Variants in C20orf204 observed in about 807,000 individuals in gnomAD.
The protein encoded by C20orf204 is chromosome 20 open reading frame 204, also known as uncharacterized protein C20orf204.
C20orf204 carries 6 observed loss-of-function variants against 3.6 expected under a neutral mutation model. The ratio of observed to expected loss-of-function variants is 1.68; its 90% CI spans 0.92 to 3.31. C20orf204 has a LOEUF of 3.31. Ranked by LOEUF, C20orf204 falls within the 30% of genes most tolerant of loss-of-function variation. The probability of loss-of-function intolerance (pLI) is 0.00; values close to 1 mark genes in which losing one functional copy is unlikely to be tolerated. For missense variants in C20orf204, 167 were observed against 89.7 expected (o/e 1.86, Z -3.48); for synonymous variants, 80 against 41.4 (o/e 1.93, Z -3.58).
intron 3 of C20orf204, 61 bp from the exon 4 acceptor site, chr20:64,038,560 CT>C: frequency 1.9e-6 from 1 of 523,138 alleles, no homozygotes; most frequent in Non-Finnish European, 3.3e-6. Flanking sequence ...TCGCGTCTCC[CT>C]TCCCGGGCCG....
Position 64,038,039 on chromosome 20 carries a change from C to A in C20orf204, c.116C>A (p.Ala39Asp). ...SVPDVLRHYR[A>D]IIFEDLQAAV... is the part of the protein sequence containing the mutation. Reference sequence around the variant, plus strand: ...CCCGACGTGCTCCGCCACTATCGCGCCATCATCTTCGAGGATCTGCAGGCC... The same window carrying A: ...CCCGACGTGCTCCGCCACTATCGCGACATCATCTTCGAGGATCTGCAGGCC... Residue 39 changes from alanine to aspartate, a missense_variant, in exon 2 of 4, where the codon GCC becomes GAC. Physicochemically the swap from Ala to Asp is moderately radical, Grantham distance 126. Transcript: ENST00000636176. 1.9e-6 allele frequency: 1 copy of A among 519,680 alleles called. No homozygotes were observed. Among genetic ancestry groups the A allele is most frequent in the South Asian group, 2.6e-5 (1 of 37,968 alleles). 32.2% of individuals were successfully genotyped at this position (519,680 alleles called of 1,614,324 possible).
intron 1 of C20orf204, 111 bp from the exon 2 acceptor site, chr20:64,037,816 T>TGGGGTGGGGCAG (rs2059343210): frequency 1.5e-5 from 6 of 404,046 alleles, no homozygotes; most frequent in African/African-American, 1.2e-4. Flanking sequence ...AGAGATCCCG[T>TGGGGTGGGGCAG]GGGGTGGGGC....
At chr20:64,035,262 G>C (rs895365498), upstream of C20orf204, 1 of 152,240 alleles carries the variant, frequency 6.6e-6, no homozygotes, top group Admixed American at 6.5e-5. Context: ...GTGTGCCCGG[G>C]TGCCAGAGCC....
chr20:64,035,015 TC>T (rs1164069462), upstream of C20orf204: 1 of 152,262 alleles, frequency 6.6e-6, no homozygotes, highest in Non-Finnish European at 1.5e-5. Flanking sequence ...AGGGGATACT[TC>T]CTGCAGGGCC....
At chr20:64,035,213 C>T (rs1468422173), upstream of C20orf204, 2 of 152,276 alleles carry the variant, frequency 1.3e-5, no homozygotes, top group Non-Finnish European at 2.9e-5. Flanking sequence ...AGTGCATTTA[C>T]ACAAGGCTGG....
Position 64,036,226 on chromosome 20 carries a change from T to C in C20orf204, c.-98T>C, listed in dbSNP as rs908112971. 4 of 152,626 alleles carry C rather than the reference T, an allele frequency of 2.6e-5. No homozygotes were observed. Among genetic ancestry groups the C allele is most frequent in the African/African-American group, 4.8e-5 (2 of 41,448 alleles). 9.5% of individuals were successfully genotyped at this position (152,626 alleles called of 1,614,324 possible). A position where few individuals can be genotyped will look rare whatever the true frequency, so the allele number is the denominator to read the frequency against. On this transcript the variant is annotated 5_prime_UTR_variant, in exon 1 of 4. Transcript: ENST00000636176. ...GTCCAGGGAAGCGGTTGGCTGGTGT[T>C]GGACCTGGTGCGGCAGTGCACACCC...
chr20:64,038,603 A>C lies in C20orf204; in HGVS notation c.433-19A>C. On this transcript the variant is annotated intron_variant, in intron 3 of 3. Transcript: ENST00000636176. ...GCGCGGGGGCCGTGCGCATTCGCTG[A>C]CCGCCCTGTCCCCGACAGCGGAGCC... The C allele has an allele frequency of 1.9e-6, 1 of 528,396 alleles. No homozygotes were observed. 32.7% of individuals were successfully genotyped at this position (528,396 alleles called of 1,614,324 possible).
chr20:64,038,204 T>A lies in C20orf204; in HGVS notation c.279+2T>A. 1 of 692,170 alleles carries A rather than the reference T, an allele frequency of 1.4e-6. No homozygotes were observed. The highest frequency in any genetic ancestry group is 2.7e-6 in the Non-Finnish European group (1 of 375,656). 42.9% of individuals were successfully genotyped at this position (692,170 alleles called of 1,614,324 possible). ...CGGGCCTCCTGTGGCGCCCAGAAGG[T>A]ATGGAGGAGGCGCCCCTACCCAAGC... is the stretch of plus-strand genomic sequence containing the variant. On this transcript the variant is annotated splice_donor_variant, in intron 2 of 3. Coordinates refer to ENST00000636176, the MANE Select transcript of C20orf204 (RefSeq NM_001387010.1). LOFTEE classifies it high-confidence loss of function.
chr20:64,037,211 G>C (rs549438117), intron 1 of C20orf204: 2 of 152,572 alleles, frequency 1.3e-5, no homozygotes, highest in Admixed American at 6.5e-5. Flanking sequence ...GGCCTTTTGC[G>C]ACTGTTGGTT....
upstream of C20orf204, chr20:64,035,638 A>G (rs1004945163): frequency 6.6e-6 from 1 of 152,294 alleles, no homozygotes; most frequent in African/African-American, 2.4e-5. Flanking sequence ...TACGGCAGGC[A>G]GCAGAGTAAC....
chr20:64,038,233 C>T (rs759992992), intron 2 of C20orf204, 31 bp downstream of exon 2: 20 of 732,074 alleles, frequency 2.7e-5, no homozygotes, highest in Admixed American at 5.5e-5. Context: ...CCCAAGCTCG[C>T]CGGCCTGCTC....
chr20:64,033,812 T>C (rs1489158048), upstream of C20orf204, among the ~76,000 whole-genome samples: 6 of 152,278 alleles, frequency 3.9e-5, no homozygotes, highest in Non-Finnish European at 5.9e-5. Flanking sequence ...CGGCCGTGAG[T>C]TTATCTTTGC....
Position 64,038,441 on chromosome 20 carries a change from T to A in C20orf204, c.425T>A (p.Leu142Gln). The A allele has an allele frequency of 1.3e-6, 1 of 761,908 alleles. No homozygotes were observed. The highest frequency in any genetic ancestry group is 1.4e-5 in the South Asian group (1 of 73,100). 47.2% of individuals were successfully genotyped at this position (761,908 alleles called of 1,614,324 possible). A position where few individuals can be genotyped will look rare whatever the true frequency, so the allele number is the denominator to read the frequency against. ...EAVMRRHCRTLRQRSRRPKMR... is the reference protein window; with the variant it reads ...EAVMRRHCRTQRQRSRRPKMR... ...GTGATGCGGCGCCACTGCAGGACGC[T>A]GCGCCAGGTGTGCGTCCCTGAGTGC... is the stretch of plus-strand genomic sequence containing the variant. Residue 142 changes from leucine (L) to glutamine (Q), a missense_variant, in exon 3 of 4, where the codon CTG becomes CAG. Transcript: ENST00000636176.
rs2059343765 is a variant in C20orf204 at position 64,037,940 on chromosome 20, C to G, written c.17C>G (p.Pro6Arg). ...TGTCTCCTCCAGGTACCCCCTAAGC[C>G]TGCACTCTGGGCGCTCCTGCTGGCG... MVPPKPALWALLLALL... is the reference protein window; with the variant it reads MVPPKRALWALLLALL... Residue 6 changes from proline to arginine, a missense_variant, in exon 2 of 4, where the codon CCT becomes CGT. Transcript: ENST00000636176. 2.0e-6 allele frequency: 1 copy of G among 488,622 alleles called. No homozygotes were observed. The highest frequency in any genetic ancestry group is 4.0e-5 in the Admixed American group (1 of 24,826). The allele number at this position is 488,622 out of a possible 1,614,324, so 30.3% of individuals were successfully genotyped here. A position where few individuals can be genotyped will look rare whatever the true frequency, so the allele number is the denominator to read the frequency against.
intron 1 of C20orf204, chr20:64,036,692 T>C (rs2059338763): frequency 6.6e-6 from 1 of 152,218 alleles, no homozygotes; most frequent in Non-Finnish European, 1.5e-5. Context: ...CAGGCTCTGG[T>C]TCTCGCTATG....
At position 64,038,211 on chromosome 20, in the gene C20orf204, G is replaced by A; in HGVS notation, c.279+9G>A. On this transcript the variant is annotated intron_variant, in intron 2 of 3. Transcript: ENST00000636176. ...CCTGTGGCGCCCAGAAGGTATGGAGGAGGCGCCCCTACCCAAGCTCGCCGG... is the reference window on the plus strand; with the variant it reads ...CCTGTGGCGCCCAGAAGGTATGGAGAAGGCGCCCCTACCCAAGCTCGCCGG... 1 of 704,760 alleles carries A rather than the reference G, an allele frequency of 1.4e-6. No homozygotes were observed. Among genetic ancestry groups the A allele is most frequent in the Non-Finnish European group, 2.6e-6 (1 of 382,124 alleles). The allele number at this position is 704,760 out of a possible 1,614,324, so 43.7% of individuals were successfully genotyped here. A position where few individuals can be genotyped will look rare whatever the true frequency, so the allele number is the denominator to read the frequency against.
At chr20:64,038,514 C>A in intron 3 of C20orf204, 66 bp downstream of exon 3, 1 of 608,176 alleles carries the variant, frequency 1.6e-6, no homozygotes, top group East Asian at 3.1e-5. Flanking sequence ...CCGCGCGTCC[C>A]GGGGCTCCAC....
upstream of C20orf204, among the ~76,000 whole-genome samples, chr20:64,034,141 G>A (rs905240256): frequency 6.6e-5 from 10 of 152,192 alleles, no homozygotes; most frequent in Non-Finnish European, 8.8e-5. Context: ...GGGCTGAGGA[G>A]GCTGCTGGAG....
Position 64,038,447 on chromosome 20 carries a change from A to G in C20orf204, c.431A>G (p.Gln144Arg). 1 of 759,078 alleles carries G rather than the reference A, an allele frequency of 1.3e-6. No homozygotes were observed. Among genetic ancestry groups the G allele is most frequent in the Non-Finnish European group, 2.4e-6 (1 of 410,048 alleles). The allele number at this position is 759,078 out of a possible 1,614,324, so 47.0% of individuals were successfully genotyped here. A position where few individuals can be genotyped will look rare whatever the true frequency, so the allele number is the denominator to read the frequency against. Reference sequence around the variant, plus strand: ...CGGCGCCACTGCAGGACGCTGCGCCAGGTGTGCGTCCCTGAGTGCACCCAG... The same window carrying G: ...CGGCGCCACTGCAGGACGCTGCGCCGGGTGTGCGTCCCTGAGTGCACCCAG... Reference protein sequence around the residue: ...VMRRHCRTLRQRSRRPKMRPA... With the variant: ...VMRRHCRTLRRRSRRPKMRPA... Residue 144 changes from glutamine (Q) to arginine (R), a missense_variant and splice_region_variant, in exon 3 of 4, where the codon CAG (glutamine) becomes CGG (arginine). Coordinates refer to ENST00000636176, the MANE Select transcript of C20orf204 (RefSeq NM_001387010.1).
Sources: gnomAD v4.1 joint callset for allele counts (sites outside exome capture counted in the v4.1 genomes callset) on GRCh38, gnomAD v4.1.1 for gene constraint, MANE v1.5 for transcripts, NCBI Gene and HGNC (gene_info 2026-07-23, HGNC 2026-07-21) for gene names.